KIAA1217: variants seen among roughly 807,000 people sequenced by gnomAD.
KIAA1217 encodes the protein sickle tail protein homolog.
A neutral mutation model predicts 163.9 loss-of-function variants in KIAA1217; 88 were observed. The ratio of observed to expected loss-of-function variants is 0.54; its 90% CI spans 0.45 to 0.64. KIAA1217 has a LOEUF of 0.64. KIAA1217 is among the 30% of genes least tolerant of loss of function. The pLI, the probability that KIAA1217 is intolerant of heterozygous loss-of-function variation, is 0.00. For missense variants in KIAA1217, 2,372 were observed against 2,475.0 expected (o/e 0.96, Z 0.88); for synonymous variants, 903 against 923.1 (o/e 0.98, Z 0.39).
chr10:24,356,569 C>T (rs2049135030), intron 2 of KIAA1217, among the ~76,000 whole-genome samples: 1 of 152,196 alleles, frequency 6.6e-6, no homozygotes, highest in South Asian at 2.1e-4. Flanking sequence ...CCGAATGCAA[C>T]AGTGTTGAGA....
At chr10:24,316,625 C>T (rs78345587) in intron 2 of KIAA1217, among the ~76,000 whole-genome samples, 3,595 of 152,238 alleles carry the variant, frequency 0.024, 145 homozygotes, top group African/African-American at 0.082. Flanking sequence ...TTGTCCTCAT[C>T]CACAGATACA....
intron 2 of KIAA1217, among the ~76,000 whole-genome samples, chr10:24,059,958 G>A (rs1413826064): frequency 1.3e-5 from 2 of 152,054 alleles, no homozygotes; most frequent in African/African-American, 4.8e-5. Flanking sequence ...CCAATTTGTT[G>A]GCATACAGTA....
chr10:23,858,779 G>A (rs1460936487), intron 1 of KIAA1217, among the ~76,000 whole-genome samples: 2 of 152,078 alleles, frequency 1.3e-5, no homozygotes, highest in African/African-American at 2.4e-5. Context: ...TGGGCGTGGT[G>A]CCCTTTCAAG....
chr10:24,454,234 GA>G (rs1235015987), intron 5 of KIAA1217, among the ~76,000 whole-genome samples: 4 of 152,210 alleles, frequency 2.6e-5, no homozygotes, highest in African/African-American at 9.6e-5. Flanking sequence ...GGTCTCTCCA[GA>G]TAAAAGGTGT....
intron 6 of KIAA1217, among the ~76,000 whole-genome samples, chr10:24,476,658 A>G (rs2064074196): frequency 6.6e-6 from 1 of 152,212 alleles, no homozygotes; most frequent in Non-Finnish European, 1.5e-5. Flanking sequence ...TTCATTCCCC[A>G]TAATGTAAAA....
At position 23,869,047 on chromosome 10, in the gene KIAA1217, A is replaced by G. The variant is rs763923974; in HGVS notation, c.-320-138178A>G. Among the ~76,000 whole-genome samples, 5 of 151,180 alleles carry G rather than the reference A, an allele frequency of 3.3e-5. No individual in the cohort carries two copies. The South Asian group carries it at 1.0e-3, about 31-fold the overall frequency. On this transcript the variant is annotated intron_variant, in intron 1 of 18. Transcript: ENST00000376462. ...ACACAAATTTTGTCTAAGCAATGCT[A>G]AGCACGTTTTTTTTATAAATGTGTT...
At chr10:23,812,187 A>G (rs1837094923) in intron 1 of KIAA1217, among the ~76,000 whole-genome samples, 1 of 152,214 alleles carries the variant, frequency 6.6e-6, no homozygotes, top group Non-Finnish European at 1.5e-5. Context: ...GATTTAGTAG[A>G]CACTTATATT....
intron 1 of KIAA1217, among the ~76,000 whole-genome samples, chr10:23,979,436 C>T (rs76271713): frequency 7.2e-5 from 11 of 152,142 alleles, no homozygotes; most frequent in Non-Finnish European, 1.6e-4. Flanking sequence ...CCGCATTTTT[C>T]GTGTCTCCTT....
intron 2 of KIAA1217, among the ~76,000 whole-genome samples, chr10:24,113,596 T>A (rs2062939133): frequency 6.6e-6 from 1 of 152,194 alleles, no homozygotes; most frequent in Admixed American, 6.5e-5. Flanking sequence ...GGATCTAGGC[T>A]GGGATTCCAA....
intron 2 of KIAA1217, among the ~76,000 whole-genome samples, chr10:24,184,038 C>A (rs1050835709): frequency 1.3e-5 from 2 of 152,226 alleles, no homozygotes; most frequent in East Asian, 3.8e-4. Context: ...GACACTCACA[C>A]TTTAAACAGC....
chr10:23,753,976 A>G (rs1397641679), intron 1 of KIAA1217, among the ~76,000 whole-genome samples: 1 of 152,114 alleles, frequency 6.6e-6, no homozygotes, highest in African/African-American at 2.4e-5. Flanking sequence ...TCATTTATGG[A>G]TTCTCCCTTA....
At chr10:24,475,430 T>C (rs1217248143) in intron 6 of KIAA1217, among the ~76,000 whole-genome samples, 1 of 152,186 alleles carries the variant, frequency 6.6e-6, no homozygotes, top group Non-Finnish European at 1.5e-5. Flanking sequence ...ACAGTTTTAT[T>C]ATGAAAGGGC....
chr10:23,900,484 A>G, intron 1 of KIAA1217, among the ~76,000 whole-genome samples: 1 of 152,260 alleles, frequency 6.6e-6, no homozygotes, highest in South Asian at 2.1e-4. Flanking sequence ...AACAATAAAA[A>G]TTGTTCCTGT....
chr10:23,753,306 A>G (rs1346237265), intron 1 of KIAA1217, among the ~76,000 whole-genome samples: 1 of 152,130 alleles, frequency 6.6e-6, no homozygotes, highest in Non-Finnish European at 1.5e-5. Flanking sequence ...GGATTAGGAG[A>G]CCATTTGTAG....
intron 2 of KIAA1217, among the ~76,000 whole-genome samples, chr10:24,275,140 G>A (rs144724231): frequency 3.0e-3 from 452 of 152,194 alleles, no homozygotes; most frequent in African/African-American, 0.01. Context: ...GGCAGGGTCT[G>A]GCTATGTTTT....
At chr10:24,287,376 C>T (rs529516223) in intron 2 of KIAA1217, among the ~76,000 whole-genome samples, 2 of 152,240 alleles carry the variant, frequency 1.3e-5, no homozygotes, top group Non-Finnish European at 2.9e-5. Flanking sequence ...AATCAGGATG[C>T]CTAGGTCAGT....
At chr10:23,802,907 G>A (rs953830741) in intron 1 of KIAA1217, among the ~76,000 whole-genome samples, 2 of 152,132 alleles carry the variant, frequency 1.3e-5, no homozygotes, top group African/African-American at 4.8e-5. Context: ...AATAATGCTG[G>A]TAATAGCTAA....
intron 1 of KIAA1217, among the ~76,000 whole-genome samples, chr10:23,886,745 T>C (rs1220007687): frequency 6.6e-6 from 1 of 151,994 alleles, no homozygotes; most frequent in African/African-American, 2.4e-5. Context: ...TTATGGCTTT[T>C]TTATATTTTA....
chr10:24,176,780 G>A (rs1179325647), intron 2 of KIAA1217, among the ~76,000 whole-genome samples: 3 of 152,242 alleles, frequency 2.0e-5, no homozygotes, highest in African/African-American at 4.8e-5. Context: ...GAGCGGGGGT[G>A]GCGCCCATCG....
Sources: gnomAD v4.1 joint callset for allele counts (sites outside exome capture counted in the v4.1 genomes callset) on GRCh38, gnomAD v4.1.1 for gene constraint, MANE v1.5 for transcripts, NCBI Gene and HGNC (gene_info 2026-07-23, HGNC 2026-07-21) for gene names.